Variants in DMD observed in about 807,000 individuals in gnomAD.
The protein encoded by DMD is dystrophin.
DMD carries 63 observed loss-of-function variants against 330.1 expected under a neutral mutation model. The observed-to-expected ratio is 0.19, with a 90% CI of 0.16 to 0.24. The LOEUF (loss-of-function observed/expected upper bound fraction) is 0.24, where lower values mean the gene tolerates loss of function less well. DMD is among the 10% of genes least tolerant of loss of function. The pLI, the probability that DMD is intolerant of heterozygous loss-of-function variation, is 1.00. For missense variants in DMD, 3,344 were observed against 2,684.1 expected, an observed-to-expected ratio of 1.25 and a Z score of -5.43; for synonymous variants, 1,223 against 959.8, an observed-to-expected ratio of 1.27 and a Z score of -5.07.
intron 44 of DMD, among the ~76,000 whole-genome samples, chrX:31,968,986 G>T (rs1356164427): frequency 9.0e-6 from 1 of 111,021 alleles, no homozygotes; most frequent in Non-Finnish European, 1.9e-5. Flanking sequence ...AAACTCTAGA[G>T]ATATTTAAAT....
At chrX:31,161,583 C>T (rs752462406) in intron 74 of DMD, among the ~76,000 whole-genome samples, 5 of 110,963 alleles carry the variant, frequency 4.5e-5, no homozygotes, top group East Asian at 5.6e-4. Flanking sequence ...TAAAACTTTC[C>T]GTAACACCAG....
chrX:32,045,328 T>C (rs1025571878), intron 44 of DMD, among the ~76,000 whole-genome samples: 5 of 103,344 alleles, frequency 4.8e-5, no homozygotes, highest in Non-Finnish European at 9.8e-5. Flanking sequence ...GCAGCTGAGT[T>C]CTTGAGCGAT....
intron 29 of DMD, among the ~76,000 whole-genome samples, chrX:32,418,356 A>C (rs972625381): frequency 1.8e-5 from 2 of 111,474 alleles, no homozygotes; most frequent in Non-Finnish European, 3.8e-5. Context: ...GGTTTACGGG[A>C]GGTCTGAAGA....
chrX:32,911,602 G>GA (rs760078630), intron 2 of DMD, among the ~76,000 whole-genome samples: 7 of 111,452 alleles, frequency 6.3e-5, no homozygotes, highest in African/African-American at 2.3e-4. Context: ...ATGGAACCAT[G>GA]AAAAAATGCC....
Position 32,472,316 on chromosome X carries a change from C to G in DMD, c.2804-7G>C, listed in dbSNP as rs1346576933. 2 of 1,208,269 alleles carry G rather than the reference C, an allele frequency of 1.7e-6. No individual in the cohort carries two copies. Among genetic ancestry groups the G allele is most frequent in the Non-Finnish European group, 2.2e-6 (2 of 893,476 alleles). On this transcript the variant is annotated splice_polypyrimidine_tract_variant and splice_region_variant and intron_variant, in intron 21 of 78. Transcript: ENST00000357033. ...GGTGGCAAAGTGTCAAAAACTTTAT[C>G]AAAAGGGAAAAAAGAATGAGAATCA... is the stretch of plus-strand genomic sequence containing the variant.
At chrX:33,191,581 G>A (rs2050650684) in intron 1 of DMD, among the ~76,000 whole-genome samples, 1 of 110,758 alleles carries the variant, frequency 9.0e-6, no homozygotes, top group Non-Finnish European at 1.9e-5. Flanking sequence ...GCACCACCAC[G>A]TCCAGCTAAT....
intron 60 of DMD, among the ~76,000 whole-genome samples, chrX:31,383,450 T>TTGC (rs1467677813): frequency 5.4e-5 from 6 of 112,118 alleles, no homozygotes; most frequent in Admixed American, 9.4e-5. Context: ...ATTACTTCTG[T>TTGC]TGCTGCTGCT....
At position 32,565,854 on chromosome X, in the gene DMD, T is replaced by C; in HGVS notation, c.1840A>G (p.Lys614Glu). The C allele has an allele frequency of 2.5e-6, 3 of 1,211,368 alleles. No individual in the cohort carries two copies. ...AVLKADLEKK[K>E]QSMGKLYSLK... ...GAATACAGTTTGCCCATGGATTGCT[T>C]TTTCTTTTCTAGATCCGCTTTTAAA... The change falls in exon 16 of 79, where the codon AAG (lysine) becomes GAG (glutamate). Residue 614 changes from lysine to glutamate, a missense_variant. Transcript: ENST00000357033.
intron 67 of DMD, among the ~76,000 whole-genome samples, chrX:31,191,051 A>G (rs2042295601): frequency 8.9e-6 from 1 of 112,234 alleles, no homozygotes; most frequent in African/African-American, 3.2e-5. Flanking sequence ...TTGTAGACTC[A>G]GATTTGAAAT....
At chrX:32,909,440 G>T (rs1376183440) in intron 2 of DMD, among the ~76,000 whole-genome samples, 1 of 111,418 alleles carries the variant, frequency 9.0e-6, no homozygotes, top group Non-Finnish European at 1.9e-5. Context: ...GGAGTATCTC[G>T]CCACGTCAGA....
intron 53 of DMD, among the ~76,000 whole-genome samples, chrX:31,671,335 A>G (rs776864889): frequency 1.8e-5 from 2 of 112,448 alleles, no homozygotes; most frequent in African/African-American, 6.5e-5. Flanking sequence ...CCTTTATTCT[A>G]TTGATATGGT....
chrX:31,585,287 G>GC (rs2076536922), intron 55 of DMD, among the ~76,000 whole-genome samples: 1 of 90,775 alleles, frequency 1.1e-5, no homozygotes, highest in Non-Finnish European at 2.1e-5. Context: ...TCATACCATT[G>GC]CACTCCAGCC....
intron 78 of DMD, among the ~76,000 whole-genome samples, chrX:31,124,213 C>T (rs1338819648): frequency 8.9e-6 from 1 of 112,247 alleles, no homozygotes; most frequent in African/African-American, 3.2e-5. Context: ...AAATAAAGAA[C>T]TTTTAGAGTC....
rs986951876 is a variant in DMD at position 33,158,774 on chromosome X, T to G, written c.31+52508A>C. Among the ~76,000 whole-genome samples the G allele has an allele frequency of 2.7e-5, 3 of 111,492 alleles. No homozygotes were observed. In the Admixed American group the frequency reaches 2.9e-4, roughly 11 times the overall value. ...ATTGCCCTAGCCCTAGTCTAGCCAG[T>G]CTTCAGAACTGAATCATTATTTATT... On this transcript the variant is annotated intron_variant, in intron 1 of 78. Transcript: ENST00000357033.
At chrX:32,877,345 A>G (rs985304851) in intron 2 of DMD, among the ~76,000 whole-genome samples, 1 of 112,745 alleles carries the variant, frequency 8.9e-6, no homozygotes, top group African/African-American at 3.2e-5. Context: ...TGTTCCGGAA[A>G]AATGTAAAGT....
chrX:32,408,824 T>C (rs1440618790), intron 30 of DMD, among the ~76,000 whole-genome samples: 1 of 111,512 alleles, frequency 9.0e-6, no homozygotes, highest in African/African-American at 3.3e-5. Flanking sequence ...ATACAATGCA[T>C]TGAAGTTAGT....
At chrX:31,391,220 G>A (rs1412920511) in intron 60 of DMD, among the ~76,000 whole-genome samples, 2 of 108,957 alleles carry the variant, frequency 1.8e-5, no homozygotes, top group African/African-American at 6.7e-5. Context: ...ACGTGATCTC[G>A]GCTCACTGCA....
At chrX:31,258,014 A>G (rs1408851265) in intron 63 of DMD, among the ~76,000 whole-genome samples, 1 of 112,325 alleles carries the variant, frequency 8.9e-6, no homozygotes, top group Non-Finnish European at 1.9e-5. Flanking sequence ...GGCAACAGTG[A>G]AAGGAGTGCC....
intron 1 of DMD, among the ~76,000 whole-genome samples, chrX:33,133,581 G>A (rs1487100981): frequency 3.6e-5 from 4 of 111,513 alleles, no homozygotes; most frequent in Non-Finnish European, 5.6e-5. Context: ...AGGTTACCGA[G>A]CTTTCTCAAT....
Sources: allele counts gnomAD v4.1 joint callset (sites outside exome capture counted in the v4.1 genomes callset), GRCh38; gene constraint gnomAD v4.1.1; transcripts MANE v1.5; gene names NCBI Gene and HGNC (gene_info 2026-07-23, HGNC 2026-07-21).